The following GRHPR variants were observed in gnomAD, a reference collection of about 807,000 sequenced individuals.
The protein encoded by GRHPR is glyoxylate and hydroxypyruvate reductase, also known as glyoxylate reductase/hydroxypyruvate reductase.
A neutral mutation model predicts 36.8 loss-of-function variants in GRHPR; 35 were observed. The ratio of observed to expected loss-of-function variants is 0.95; its 90% CI spans 0.73 to 1.26. The LOEUF is 1.26. Among genes scored for constraint, GRHPR ranks in the 50% most tolerant of loss-of-function variants. The pLI is 0.00. For synonymous variants in GRHPR, 179 were observed against 181.0 expected, an observed-to-expected ratio of 0.99 and a Z score of 0.09; for missense variants, 380 against 435.0, an observed-to-expected ratio of 0.87 and a Z score of 1.12.
At chr9:37,422,957 A>G in intron 1 of GRHPR, 124 bp downstream of exon 1, 1 of 688,064 alleles carries the variant, frequency 1.5e-6, no homozygotes, top group African/African-American at 1.8e-5. Flanking sequence ...TCTCGGAGAA[A>G]GTTCTCTGGG....
At chr9:37,427,175 T>C (rs182856784) in intron 4 of GRHPR, among the ~76,000 whole-genome samples, 1 of 152,098 alleles carries the variant, frequency 6.6e-6, no homozygotes, top group East Asian at 1.9e-4. Context: ...GTTCTGCTGG[T>C]GGGTGAGGGC....
intron 5 of GRHPR, 33 bp downstream of exon 5, chr9:37,428,605 G>T: frequency 7.1e-7 from 1 of 1,412,820 alleles, no homozygotes; most frequent in Non-Finnish European, 9.9e-7. Flanking sequence ...TGCCCGCCCC[G>T]GCTCTCACAG....
intron 7 of GRHPR, 156 bp from the exon 8 acceptor site, chr9:37,431,852 A>G (rs1050848443): frequency 1.4e-6 from 1 of 734,064 alleles, no homozygotes; most frequent in Middle Eastern, 4.0e-4. Context: ...CTGAGTATAT[A>G]AGACTTACAG....
intron 5 of GRHPR, 69 bp from the exon 6 acceptor site, chr9:37,429,663 C>G (rs527591924): frequency 1.9e-6 from 2 of 1,034,478 alleles, no homozygotes; most frequent in East Asian, 2.4e-5. Context: ...GCCGCTGTTC[C>G]AGAAATGCTG....
At chr9:37,428,640 G>A (rs1337822726) in intron 5 of GRHPR, 68 bp downstream of exon 5, 5 of 1,027,690 alleles carry the variant, frequency 4.9e-6, no homozygotes, top group East Asian at 2.4e-5. Flanking sequence ...CTGGCACCAC[G>A]TGTCTGAAGG....
intron 8 of GRHPR, among the ~76,000 whole-genome samples, chr9:37,435,307 TCCTGAC>T (rs1249014857): frequency 3.3e-5 from 5 of 152,094 alleles, no homozygotes; most frequent in Admixed American, 3.3e-4. Flanking sequence ...TCCAAACCTA[TCCTGAC>T]CTTGAGTATG....
rs766967005 is a variant in GRHPR at position 37,426,021 on chromosome 9, G to A, written c.287+27G>A. On this transcript the variant is annotated intron_variant, in intron 3 of 8. Transcript: ENST00000318158. ...TAACTGCAGCTTGGGATCTGGAGGG[G>A]GCCTAGAGAGAGGGGTGGCTATGAG... The A allele has an allele frequency of 2.0e-6, 3 of 1,495,448 alleles. No individual in the cohort carries two copies. The African/African-American group carries it at 4.1e-5, about 21-fold the overall frequency. The allele number at this position is 1,495,448 out of a possible 1,614,324, so 92.6% of individuals were successfully genotyped here. A position where few individuals can be genotyped will look rare whatever the true frequency, so the allele number is the denominator to read the frequency against.
intron 2 of GRHPR, among the ~76,000 whole-genome samples, 177 bp from the exon 3 acceptor site, chr9:37,425,745 G>A (rs1238143510): frequency 2.0e-5 from 3 of 152,232 alleles, no homozygotes; most frequent in Non-Finnish European, 4.4e-5. Flanking sequence ...TAACCTCCCT[G>A]AACTGCAGTG....
chr9:37,436,131 C>T (rs961397355), intron 8 of GRHPR, among the ~76,000 whole-genome samples: 1 of 152,302 alleles, frequency 6.6e-6, no homozygotes, highest in Non-Finnish European at 1.5e-5. Flanking sequence ...TTGTTTGAGA[C>T]AGAGTCTCCC....
intron 7 of GRHPR, 111 bp from the exon 8 acceptor site, chr9:37,431,897 A>T: frequency 8.6e-7 from 1 of 1,159,800 alleles, no homozygotes; most frequent in Non-Finnish European, 1.3e-6. Context: ...TTACTGCTTT[A>T]AAAGTCAGTG....
intron 8 of GRHPR, 24 bp from the exon 9 acceptor site, chr9:37,436,635 CCT>C (rs34302950): frequency 8.7e-3 from 10,443 of 1,204,624 alleles, no homozygotes; most frequent in East Asian, 0.025. Context: ...TTCTTATCTC[CCT>C]CTCTCTCTCT....
At chr9:37,431,193 G>T in intron 7 of GRHPR, 1 of 371,828 alleles carries the variant, frequency 2.7e-6, no homozygotes. Context: ...CTTCCTAGCT[G>T]GTGCCCCTTG....
At chr9:37,434,135 G>A (rs1261716033) in intron 8 of GRHPR, 5 of 382,356 alleles carry the variant, frequency 1.3e-5, no homozygotes, top group Non-Finnish European at 2.3e-5. Context: ...AGCTGCAGCC[G>A]CCACCGCTGC....
intron 1 of GRHPR, among the ~76,000 whole-genome samples, chr9:37,423,115 T>A (rs1822914766): frequency 1.3e-5 from 2 of 151,766 alleles, no homozygotes; most frequent in Non-Finnish European, 2.9e-5. Flanking sequence ...ACCAGGCCCT[T>A]GGACGTTTGG....
At chr9:37,422,525 A>C (rs10973330), upstream of GRHPR, 19,820 of 247,996 alleles carry the variant, frequency 0.08, 839 homozygotes, top group East Asian at 0.5. Context: ...GCACCCCCCC[A>C]CACACACACA....
At chr9:37,437,658 C>A (rs1466703248), downstream of GRHPR, among the ~76,000 whole-genome samples, 1 of 149,394 alleles carries the variant, frequency 6.7e-6, no homozygotes, top group Non-Finnish European at 1.5e-5. Context: ...CCATTCTGTC[C>A]CCCCAGCCCC....
downstream of GRHPR, chr9:37,438,673 C>G (rs1407247826): frequency 2.6e-5 from 4 of 152,312 alleles, no homozygotes; most frequent in Admixed American, 1.3e-4. Context: ...CAGGCTAACC[C>G]ACTGTGTCCC....
At position 37,425,944 on chromosome 9, in the gene GRHPR, C is replaced by T; in HGVS notation, c.237C>T (p.Ser79=). The change falls in exon 3 of 9, where the codon AGC becomes AGT. Residue 79 remains serine (S), a synonymous_variant. Coordinates refer to ENST00000318158, the MANE Select transcript of GRHPR (RefSeq NM_012203.2). ...DAAGANLKVI[S]TMSVGIDHLA... ...CAGGGGCCAATCTCAAAGTCATCAG[C>T]ACCATGTCTGTGGGCATCGACCACT... The T allele has an allele frequency of 3.1e-6, 5 of 1,613,632 alleles. No individual in the cohort carries two copies. The highest frequency in any genetic ancestry group is 4.2e-6 in the Non-Finnish European group (5 of 1,179,534).
At chr9:37,426,395 G>A (rs551366662) in intron 3 of GRHPR, 143 bp from the exon 4 acceptor site, 52 of 765,790 alleles carry the variant, frequency 6.8e-5, no homozygotes, top group African/African-American at 4.1e-4. Context: ...AGGACTGCCC[G>A]TTTTTGAGTG....
Sources: allele counts gnomAD v4.1 joint callset (sites outside exome capture counted in the v4.1 genomes callset), GRCh38; gene constraint gnomAD v4.1.1; transcripts MANE v1.5; gene names NCBI Gene and HGNC (gene_info 2026-07-23, HGNC 2026-07-21).